MYLK3: variants seen among roughly 807,000 people sequenced by gnomAD.
MYLK3 encodes the protein myosin light chain kinase 3.
A neutral mutation model predicts 76.3 loss-of-function variants in MYLK3; 55 were observed. The ratio of observed to expected loss-of-function variants is 0.72; its 90% CI spans 0.58 to 0.90. MYLK3 has a LOEUF of 0.90. Ranked by LOEUF, MYLK3 falls within the 40% of genes least tolerant of loss-of-function variation. The probability of loss-of-function intolerance (pLI) is 0.00; values close to 1 mark genes in which losing one functional copy is unlikely to be tolerated. For missense variants in MYLK3, 973 were observed against 1,053.6 expected (o/e 0.92, Z 1.06); for synonymous variants, 416 against 425.4 (o/e 0.98, Z 0.27).
chr16:46,732,241 G>C lies in MYLK3; in HGVS notation c.1429C>G (p.Pro477Ala). 6.3e-7 allele frequency: 1 copy of C among 1,595,200 alleles called. No homozygotes were observed. The highest frequency in any genetic ancestry group is 1.1e-5 in the South Asian group (1 of 90,822). The change falls in exon 4 of 13, where the codon CCC (proline) becomes GCC (alanine). Residue 477 changes from proline to alanine, a missense_variant. By Grantham distance (27) the Pro-to-Ala change is conservative (BLOSUM62 -1). Around this residue, in one of 2 missense-constraint regions of MYLK3, gnomAD observed 641 missense variants for 637.0 expected, o/e 1.01. Coordinates refer to ENST00000394809, the MANE Select transcript of MYLK3 (RefSeq NM_182493.3). ...ACGCTGCCAGCCTCGGCGCCTGGGG[G>C]CATCCTCCTTACTGCTTCAGCTCTC... Reference protein sequence around the residue: ...PVRAEAVRRMPPGAEAGSVVL... With the variant: ...PVRAEAVRRMAPGAEAGSVVL...
At chr16:46,740,571 A>G (rs1966915551) in intron 1 of MYLK3, among the ~76,000 whole-genome samples, 2 of 64,210 alleles carry the variant, frequency 3.1e-5, no homozygotes, top group African/African-American at 1.4e-4. Context: ...TTTTTTTTTG[A>G]GACAAGGTCT....
At chr16:46,711,735 C>T (rs778823974) in intron 10 of MYLK3, 1 of 350,370 alleles carries the variant, frequency 2.9e-6, no homozygotes, top group Non-Finnish European at 5.6e-6. Flanking sequence ...TTGCTTTACC[C>T]ACCCAGAAGT....
In MYLK3 at chr16:46,748,094, C is replaced by T. The variant is rs779225675; in HGVS notation, c.100G>A (p.Glu34Lys). ...AAGTGCAGGAGCTGGTCCACCTTCT[C>T]GTTCAGCATGTTCAGCTTTGTGTCC... ...TMDTKLNMLNEKVDQLLHFQE... is the reference protein window; with the variant it reads ...TMDTKLNMLNKKVDQLLHFQE... Residue 34 changes from glutamate to lysine, a missense_variant, in exon 1 of 13, where the codon GAG (glutamate) becomes AAG (lysine). By Grantham distance (56) the Glu-to-Lys change is moderately conservative. Coordinates refer to ENST00000394809, the MANE Select transcript of MYLK3 (RefSeq NM_182493.3). The surrounding 1 kb of genome is among the most constrained non-coding windows in gnomAD (Gnocchi z 4.3). 7.4e-6 allele frequency: 12 copies of T among 1,614,272 alleles called. No homozygotes were observed. The highest frequency in any genetic ancestry group is 1.0e-5 in the Non-Finnish European group (12 of 1,180,044).
At chr16:46,740,280 T>C (rs1966907627) in intron 1 of MYLK3, 133 bp from the exon 2 acceptor site, 7 of 668,454 alleles carry the variant, frequency 1.0e-5, no homozygotes, top group South Asian at 1.8e-5. Flanking sequence ...CACAGTAACA[T>C]TGGAGAGTAG....
chr16:46,748,031 G>T lies in MYLK3; in HGVS notation c.163C>A (p.Arg55=). Reference sequence around the variant, plus strand: ...CCCCGCTCCAGGTGGCCCATGTCTCGGCACATGCTCTGCAACTTCTCTGTG... The same window carrying T: ...CCCCGCTCCAGGTGGCCCATGTCTCTGCACATGCTCTGCAACTTCTCTGTG... ...DVTEKLQSMC[R]DMGHLERGLH... The change falls in exon 1 of 13, where the codon CGA becomes AGA. Residue 55 remains arginine (R), a synonymous_variant. Transcript: ENST00000394809. The surrounding 1 kb of genome is among the most constrained non-coding windows in gnomAD (Gnocchi z 4.3). The T allele has an allele frequency of 6.2e-7, 1 of 1,614,062 alleles. No individual in the cohort carries two copies. The highest frequency in any genetic ancestry group is 8.5e-7 in the Non-Finnish European group (1 of 1,180,044).
rs1458820394 is a variant in MYLK3, at chr16:46,748,258, C to T, written c.-65G>A. On this transcript the variant is annotated 5_prime_UTR_variant, in exon 1 of 13. It adds an upstream start codon to the 5' untranslated region. Coordinates refer to ENST00000394809, the MANE Select transcript of MYLK3 (RefSeq NM_182493.3). This position sits in a 1 kb window ranked among gnomAD's most constrained non-coding sequence, Gnocchi z 4.3. ...GAGAGGCACAGACCCCTGGTTCTCA[C>T]TCAGGCGGTGGTGTCTGCAAGGTCA... 42 of 1,534,868 alleles carry T rather than the reference C, an allele frequency of 2.7e-5. No individual in the cohort carries two copies. Among genetic ancestry groups the T allele is most frequent in the Non-Finnish European group, 3.6e-5 (41 of 1,143,102 alleles).
chr16:46,750,169 T>C (rs894142373), upstream of MYLK3, among the ~76,000 whole-genome samples: 3 of 152,170 alleles, frequency 2.0e-5, no homozygotes, highest in Admixed American at 2.0e-4. Flanking sequence ...AGCACTTCCC[T>C]GCAGATCGGG....
Position 46,712,769 on chromosome 16 carries a change from G to T in MYLK3, c.1993C>A (p.Pro665Thr). ...AAGTTCACCTTCAGCTTCTCTCGAGGCTTGTACCTGGGGAGAAGGGGAGGG... is the reference window on the plus strand; with the variant it reads ...AAGTTCACCTTCAGCTTCTCTCGAGTCTTGTACCTGGGGAGAAGGGGAGGG... ...IDFGLARRYK[P>T]REKLKVNFGT... Residue 665 changes from proline (P) to threonine (T), a missense_variant, in exon 10 of 13, where the codon CCT becomes ACT. Coordinates refer to ENST00000394809, the MANE Select transcript of MYLK3 (RefSeq NM_182493.3). The T allele has an allele frequency of 1.9e-6, 3 of 1,595,804 alleles. No individual in the cohort carries two copies. Among genetic ancestry groups the T allele is most frequent in the South Asian group, 1.1e-5 (1 of 88,368 alleles).
At chr16:46,715,978 G>C (rs1218788020) in intron 9 of MYLK3, among the ~76,000 whole-genome samples, 2 of 152,172 alleles carry the variant, frequency 1.3e-5, no homozygotes, top group African/African-American at 4.8e-5. Flanking sequence ...AAAACAATTT[G>C]CTAAATAAAA....
At chr16:46,741,764 C>T (rs1966934579) in intron 1 of MYLK3, among the ~76,000 whole-genome samples, 1 of 119,034 alleles carries the variant, frequency 8.4e-6, no homozygotes, top group Non-Finnish European at 1.7e-5. Context: ...TTTTGTTGGG[C>T]TTGCAATTTT....
rs1007578922 is a variant in MYLK3 at position 46,709,578 on chromosome 16, T to C, written c.2361A>G (p.Gln787=). 3 of 1,614,146 alleles carry C rather than the reference T, an allele frequency of 1.9e-6. No homozygotes were observed. The highest frequency in any genetic ancestry group is 1.7e-5 in the Admixed American group (1 of 60,018). Residue 787 remains glutamine (Q), a synonymous_variant, in exon 12 of 13, where the codon CAA becomes CAG. Transcript: ENST00000394809. The part of the protein sequence containing the change: ...ASRSKTRLKS[Q]LLLQKYIAQR... ...GAGCTATGTATTTCTGCAGCAGTAG[T>C]TGGGATTTGAGACGAGTTTTGGATC...
intron 1 of MYLK3, among the ~76,000 whole-genome samples, chr16:46,760,722 T>A (rs1967265619): frequency 6.6e-6 from 1 of 152,082 alleles, no homozygotes; most frequent in Admixed American, 6.6e-5. Context: ...GATGTCTTGG[T>A]ATCAAATCTG....
intron 1 of MYLK3, among the ~76,000 whole-genome samples, chr16:46,759,180 G>A (rs529598780): frequency 6.4e-4 from 97 of 152,230 alleles, no homozygotes; most frequent in Non-Finnish European, 1.2e-3. Flanking sequence ...TCTGTGTGCA[G>A]TCCTGCACCC....
chr16:46,704,627 T>A lies in MYLK3; in HGVS notation c.*3077A>T, dbSNP rs1269696339. On this transcript the variant is annotated 3_prime_UTR_variant, in exon 13 of 13. Coordinates refer to ENST00000394809, the MANE Select transcript of MYLK3 (RefSeq NM_182493.3). ...TGATTACATATTGAAATATTTTTGA[T>A]ACACTAAGTTATATAAATTATTAAA... is the stretch of plus-strand genomic sequence containing the variant. The A allele has an allele frequency of 1.3e-5, 2 of 152,168 alleles. No homozygotes were observed. Among genetic ancestry groups the A allele is most frequent in the Non-Finnish European group, 2.9e-5 (2 of 68,034 alleles). The allele number at this position is 152,168 out of a possible 1,614,324, so 9.4% of individuals were successfully genotyped here. A position where few individuals can be genotyped will look rare whatever the true frequency, so the allele number is the denominator to read the frequency against.
At chr16:46,758,562 C>A (rs1967236297) in intron 1 of MYLK3, among the ~76,000 whole-genome samples, 1 of 152,184 alleles carries the variant, frequency 6.6e-6, no homozygotes, top group Non-Finnish European at 1.5e-5. Flanking sequence ...GCCAGTCCCC[C>A]AGAAAGGCAT....
chr16:46,751,525 G>T (rs927314947), upstream of MYLK3, among the ~76,000 whole-genome samples: 3 of 152,240 alleles, frequency 2.0e-5, no homozygotes, highest in African/African-American at 7.2e-5. Context: ...CTCCCTGAGG[G>T]CAGACCAAGC....
chr16:46,703,491 C>A lies in MYLK3; in HGVS notation c.*4213G>T, dbSNP rs1290316794. On this transcript the variant is annotated 3_prime_UTR_variant, in exon 13 of 13. Transcript: ENST00000394809. Reference sequence around the variant, plus strand: ...ATCTGACAGGTGGAAAAAGTGTGCCCCAACTACCTTTTAGAGTTTCTCTGC... The same window carrying A: ...ATCTGACAGGTGGAAAAAGTGTGCCACAACTACCTTTTAGAGTTTCTCTGC... 6.6e-6 allele frequency: 1 copy of A among 152,192 alleles called. No individual in the cohort carries two copies. The highest frequency in any genetic ancestry group is 2.4e-5 in the African/African-American group (1 of 41,434). The allele number at this position is 152,192 out of a possible 1,614,324, so 9.4% of individuals were successfully genotyped here.
At chr16:46,724,897 C>G (rs577988114) in intron 8 of MYLK3, among the ~76,000 whole-genome samples, 1 of 152,274 alleles carries the variant, frequency 6.6e-6, no homozygotes, top group South Asian at 2.1e-4. Flanking sequence ...GTCACCTTAA[C>G]AATATTAAAT....
rs559999886 is a variant in MYLK3, at chr16:46,711,450, G to T, written c.2115-661C>A. ...ACAGGGGTTCAATGATGCCACAAAG[G>T]GTATCCTGCCCTGCCCCCCACCCCC... On this transcript the variant is annotated intron_variant, in intron 10 of 12. Transcript: ENST00000394809. 1.2e-3 allele frequency: 279 copies of T among 237,406 alleles called. 1 individual carries two copies. Among genetic ancestry groups the T allele is most frequent in the South Asian group, 2.6e-3 (63 of 24,090 alleles). The allele number at this position is 237,406 out of a possible 1,614,324, so 14.7% of individuals were successfully genotyped here. A position where few individuals can be genotyped will look rare whatever the true frequency, so the allele number is the denominator to read the frequency against.
Sources: gnomAD v4.1 joint callset for allele counts (sites outside exome capture counted in the v4.1 genomes callset) on GRCh38, gnomAD v4.1.1 for gene constraint, gnomAD v4.1.1 regional missense constraint, Gnocchi (gnomAD v3.1) non-coding constraint, MANE v1.5 for transcripts, NCBI Gene and HGNC (gene_info 2026-07-23, HGNC 2026-07-21) for gene names.